CHRNA9: variants seen among roughly 807,000 people sequenced by gnomAD.
The protein encoded by CHRNA9 is neuronal acetylcholine receptor subunit alpha-9.
CHRNA9 carries 24 observed loss-of-function variants against 36.8 expected under a neutral mutation model. The observed-to-expected ratio is 0.65, with a 90% CI of 0.47 to 0.92. The LOEUF (loss-of-function observed/expected upper bound fraction) is 0.92. Ranked by LOEUF, CHRNA9 falls within the 40% of genes least tolerant of loss-of-function variation. CHRNA9 has a pLI of 0.00. For synonymous variants in CHRNA9, 231 were observed against 231.8 expected (o/e 1.00, Z 0.03); for missense variants, 610 against 601.2 (o/e 1.01, Z -0.15).
chr4:40,347,153 T>C (rs1712658510), intron 3 of CHRNA9, among the ~76,000 whole-genome samples: 1 of 152,154 alleles, frequency 6.6e-6, no homozygotes, highest in South Asian at 2.1e-4. Flanking sequence ...GTACAAGTCT[T>C]TTTTAGTTAC....
At chr4:40,348,779 A>G (rs1712708219) in intron 3 of CHRNA9, 103 bp from the exon 4 acceptor site, 3 of 1,151,294 alleles carry the variant, frequency 2.6e-6, no homozygotes, top group African/African-American at 1.5e-5. Context: ...ATGGTGGTCC[A>G]TTGCCAAAAC....
intron 3 of CHRNA9, among the ~76,000 whole-genome samples, chr4:40,340,559 C>T (rs1359699285): frequency 6.6e-6 from 1 of 152,146 alleles, no homozygotes; most frequent in African/African-American, 2.4e-5. Context: ...TCTTCTGATG[C>T]CAGATACAAT....
At chr4:40,335,785 A>C (rs1458747681) in intron 1 of CHRNA9, 42 bp from the exon 2 acceptor site, 5 of 1,590,272 alleles carry the variant, frequency 3.1e-6, no homozygotes, top group Non-Finnish European at 1.7e-6. Context: ...TGAAATACAC[A>C]CAACACTCTG....
chr4:40,341,400 C>T (rs371893581), intron 3 of CHRNA9, among the ~76,000 whole-genome samples: 117 of 152,046 alleles, frequency 7.7e-4, no homozygotes, highest in African/African-American at 2.7e-3. Flanking sequence ...AGAGAGTATT[C>T]TCCTCAGTAG....
intron 3 of CHRNA9, among the ~76,000 whole-genome samples, chr4:40,339,123 CA>C (rs144350285): frequency 0.14 from 21,253 of 150,930 alleles, 1,544 homozygotes; most frequent in African/African-American, 0.16. Flanking sequence ...ATTAAAAATA[CA>C]AAAAATCAGC....
intron 3 of CHRNA9, among the ~76,000 whole-genome samples, chr4:40,339,030 C>A (rs1005991128): frequency 3.9e-5 from 6 of 152,116 alleles, no homozygotes; most frequent in Non-Finnish European, 4.4e-5. Context: ...GTAATCCCAG[C>A]ACTTTGGGAG....
intron 3 of CHRNA9, among the ~76,000 whole-genome samples, chr4:40,339,378 T>A (rs1309538951): frequency 1.3e-5 from 2 of 150,952 alleles, no homozygotes; most frequent in East Asian, 3.9e-4. Flanking sequence ...TCTTTTTTTT[T>A]TAATTTTAAG....
chr4:40,341,977 G>A (rs1232845198), intron 3 of CHRNA9, among the ~76,000 whole-genome samples: 2 of 152,112 alleles, frequency 1.3e-5, no homozygotes, highest in Non-Finnish European at 2.9e-5. Flanking sequence ...TTGAATTCCT[G>A]GGCTCAAGCA....
At position 40,335,551 on chromosome 4, in the gene CHRNA9, TA is replaced by T; in HGVS notation, c.64+22del. ...TGAGAGGTGAGAGGCTGGTGACACG[TA>T]ACCTATCTTGTCTCATCTGGGGCTA... On this transcript the variant is annotated intron_variant, in intron 1 of 4. Coordinates refer to ENST00000310169, the MANE Select transcript of CHRNA9 (RefSeq NM_017581.4). 1 of 1,583,330 alleles carries T rather than the reference TA, an allele frequency of 6.3e-7. No individual in the cohort carries two copies. The highest frequency in any genetic ancestry group is 8.7e-7 in the Non-Finnish European group (1 of 1,151,716).
intron 3 of CHRNA9, among the ~76,000 whole-genome samples, chr4:40,342,960 G>A (rs966596061): frequency 2.0e-5 from 3 of 152,134 alleles, no homozygotes; most frequent in African/African-American, 7.2e-5. Flanking sequence ...ATATGGAAAG[G>A]AAGGAAAAGT....
chr4:40,337,184 A>G (rs750557311), intron 2 of CHRNA9, 26 bp from the exon 3 acceptor site: 21 of 1,609,952 alleles, frequency 1.3e-5, no homozygotes, highest in Non-Finnish European at 1.6e-5. Flanking sequence ...CTGCTAGGTA[A>G]AGCGACATCT....
rs539848718 is a variant in CHRNA9, at chr4:40,339,954, G to T, written c.365+2590G>T. ...AGTGCTGGGATTACAGGCATGAGCT[G>T]CTGTGCCCGGCCAGCATTCTGTAAG... On this transcript the variant is annotated intron_variant, in intron 3 of 4. Coordinates refer to ENST00000310169, the MANE Select transcript of CHRNA9 (RefSeq NM_017581.4). Among the ~76,000 whole-genome samples, 10 of 152,204 alleles carry T rather than the reference G, an allele frequency of 6.6e-5. No homozygotes were observed. In the South Asian group the frequency reaches 2.1e-3, roughly 32 times the overall value.
intron 3 of CHRNA9, among the ~76,000 whole-genome samples, chr4:40,342,393 C>T (rs1712523732): frequency 6.6e-6 from 1 of 152,068 alleles, no homozygotes; most frequent in African/African-American, 2.4e-5. Flanking sequence ...ATGCCAAAAG[C>T]CCTTAAAGTC....
At chr4:40,353,289 G>C (rs1286531461) in intron 4 of CHRNA9, among the ~76,000 whole-genome samples, 2 of 152,106 alleles carry the variant, frequency 1.3e-5, no homozygotes, top group Non-Finnish European at 2.9e-5. Context: ...TCAGGAGTTC[G>C]AGACCAGCCT....
Position 40,354,110 on chromosome 4 carries a change from T to C in CHRNA9, c.1030T>C (p.Tyr344His). The change falls in exon 5 of 5, where the codon TAC becomes CAC. Residue 344 changes from tyrosine to histidine, a missense_variant. Physicochemically the swap from Tyr to His is moderately conservative, Grantham distance 83. Transcript: ENST00000310169. ...PHWARVVILK[Y>H]MSRVLFVYDV... ...CTGGGCCAGGGTGGTCATCCTGAAA[T>C]ACATGTCCAGGGTCTTGTTTGTCTA... The C allele has an allele frequency of 1.9e-6, 3 of 1,614,178 alleles. No individual in the cohort carries two copies. The highest frequency in any genetic ancestry group is 2.5e-6 in the Non-Finnish European group (3 of 1,180,024).
intron 3 of CHRNA9, among the ~76,000 whole-genome samples, chr4:40,346,320 C>A (rs1245128279): frequency 1.3e-5 from 2 of 152,242 alleles, no homozygotes; most frequent in Admixed American, 1.3e-4. Flanking sequence ...GGTAACTGCA[C>A]TTTCTCCTCA....
chr4:40,354,577 T>C lies in CHRNA9; in HGVS notation c.*57T>C. The C allele has an allele frequency of 7.3e-7, 1 of 1,364,912 alleles. No individual in the cohort carries two copies. The highest frequency in any genetic ancestry group is 1.0e-6 in the Non-Finnish European group (1 of 991,866). 84.6% of individuals were successfully genotyped at this position (1,364,912 alleles called of 1,614,324 possible). On this transcript the variant is annotated 3_prime_UTR_variant, in exon 5 of 5. Coordinates refer to ENST00000310169, the MANE Select transcript of CHRNA9 (RefSeq NM_017581.4). ...AATTAATACAATTCCCTGTGATCTA[T>C]TCCAATGTTCTTCCAAGATTTTTGT...
At position 40,337,251 on chromosome 4, in the gene CHRNA9, C is replaced by G. The variant is rs1712350001; in HGVS notation, c.252C>G (p.Arg84=). The change falls in exon 3 of 5, where the codon CGC becomes CGG. Residue 84 remains arginine (R), a synonymous_variant. Transcript: ENST00000310169. ...TTCTGACTGCTTATTTGTGGATCCGCCAAATCTGGCACGATGCCTATCTCA... is the reference window on the plus strand; with the variant it reads ...TTCTGACTGCTTATTTGTGGATCCGGCAAATCTGGCACGATGCCTATCTCA... The part of the protein sequence containing the change: ...NQILTAYLWI[R]QIWHDAYLTW... 6.2e-7 allele frequency: 1 copy of G among 1,614,024 alleles called. No individual in the cohort carries two copies. The highest frequency in any genetic ancestry group is 1.1e-5 in the South Asian group (1 of 91,072).
At chr4:40,340,973 CAA>C (rs543449903) in intron 3 of CHRNA9, among the ~76,000 whole-genome samples, 2 of 64,968 alleles carry the variant, frequency 3.1e-5, no homozygotes, top group Admixed American at 1.9e-4. Flanking sequence ...ATAAGCTCTC[CAA>C]AAAAAAAAAA....
Sources: allele counts gnomAD v4.1 joint callset (sites outside exome capture counted in the v4.1 genomes callset), GRCh38; gene constraint gnomAD v4.1.1; transcripts MANE v1.5; gene names NCBI Gene and HGNC (gene_info 2026-07-23, HGNC 2026-07-21).